The following TSC1 variants were observed in gnomAD, a reference collection of about 807,000 sequenced individuals.
TSC1 encodes the protein hamartin.
TSC1 carries 20 observed loss-of-function variants against 124.3 expected under a neutral mutation model. That is an observed-to-expected ratio of 0.16 (90% CI 0.11 to 0.23). The LOEUF (loss-of-function observed/expected upper bound fraction) is 0.23, where lower values mean the gene tolerates loss of function less well. Among genes scored for constraint, TSC1 ranks in the 10% least tolerant of loss-of-function variants. TSC1 has a pLI of 1.00. For synonymous variants in TSC1, 493 were observed against 539.1 expected, an observed-to-expected ratio of 0.91 and a Z score of 1.19; for missense variants, 1,124 against 1,448.5, an observed-to-expected ratio of 0.78 and a Z score of 3.64.
intron 8 of TSC1, among the ~76,000 whole-genome samples, chr9:132,916,997 G>A (rs1846298988): frequency 6.6e-6 from 1 of 152,206 alleles, no homozygotes; most frequent in East Asian, 1.9e-4. Context: ...TTGAGTCCAT[G>A]CATATCTGAA....
rs36000704 is a variant in TSC1, at chr9:132,900,331, G to GA, written c.2625+383dup. ...ATCTGCAGAAATCCAACATTAAAAG[G>GA]AAAAAAAAAAATGGTATGTACAGCA... On this transcript the variant is annotated intron_variant, in intron 20 of 22. Coordinates refer to ENST00000298552, the MANE Select transcript of TSC1 (RefSeq NM_000368.5). 42,475 of 235,002 alleles carry GA rather than the reference G, an allele frequency of 0.18. 3,537 individuals are homozygous for GA. The highest frequency in any genetic ancestry group is 0.34 in the African/African-American group (14,767 of 43,320). 14.6% of individuals were successfully genotyped at this position (235,002 alleles called of 1,614,324 possible).
At chr9:132,915,172 A>T (rs1209197655) in intron 8 of TSC1, among the ~76,000 whole-genome samples, 3 of 151,970 alleles carry the variant, frequency 2.0e-5, no homozygotes. Context: ...GCAACAGAGC[A>T]AGACCCTGTC....
In TSC1 at chr9:132,927,521, C is replaced by CTTTTT. The variant is rs57259325; in HGVS notation, c.107-222_107-218dup. Among the ~76,000 whole-genome samples, 234 of 103,894 alleles carry CTTTTT rather than the reference C, an allele frequency of 2.3e-3. 5 individuals are homozygous for CTTTTT. The highest frequency in any genetic ancestry group is 4.6e-3 in the African/African-American group (122 of 26,570). 68.2% of individuals were successfully genotyped at this position (103,894 alleles called of 152,430 possible). A position where few individuals can be genotyped will look rare whatever the true frequency, so the allele number is the denominator to read the frequency against. The stretch of plus-strand genomic sequence containing the variant: ...AAACATATGAAGTCATTTTTATTGC[C>CTTTTT]TTTTTTTTTTTTTTTTTTTTGAGAT... On this transcript the variant is annotated intron_variant, in intron 3 of 22. Transcript: ENST00000298552.
chr9:132,894,419 C>T lies in TSC1; in HGVS notation c.*1816G>A. The T allele has an allele frequency of 4.4e-6, 1 of 229,422 alleles. No individual in the cohort carries two copies. The highest frequency in any genetic ancestry group is 8.7e-6 in the Non-Finnish European group (1 of 115,374). 14.2% of individuals were successfully genotyped at this position (229,422 alleles called of 1,614,324 possible). On this transcript the variant is annotated 3_prime_UTR_variant, in exon 23 of 23. Coordinates refer to ENST00000298552, the MANE Select transcript of TSC1 (RefSeq NM_000368.5). ...CACGTTTTCCTTTTCTAAAACGGAA[C>T]CAGGAAACTAGACTGTATTGGGTTT...
Position 132,911,470 on chromosome 9 carries a change from T to C in TSC1, c.1012A>G (p.Ile338Val), listed in dbSNP as rs2131974315. 6.2e-7 allele frequency: 1 copy of C among 1,613,202 alleles called. No individual in the cohort carries two copies. Among genetic ancestry groups the C allele is most frequent in the South Asian group, 1.1e-5 (1 of 91,046 alleles). ...QTLSSPSTRL[I>V]TEPPQATLWS... ...CACCATACTTGTGGTGGTTCAGTTATCAGCCGTGTCGATGGGGAACTCAGA... is the reference window on the plus strand; with the variant it reads ...CACCATACTTGTGGTGGTTCAGTTACCAGCCGTGTCGATGGGGAACTCAGA... Residue 338 changes from isoleucine (I) to valine (V), a missense_variant, in exon 10 of 23, where the codon ATA becomes GTA. Around this residue, in one of 5 missense-constraint regions of TSC1, gnomAD observed 463 missense variants for 606.8 expected, o/e 0.76. Coordinates refer to ENST00000298552, the MANE Select transcript of TSC1 (RefSeq NM_000368.5).
At position 132,910,703 on chromosome 9, in the gene TSC1, A is replaced by T. The variant is rs1845908527; in HGVS notation, c.1142-11T>A. 1 of 1,613,336 alleles carries T rather than the reference A, an allele frequency of 6.2e-7. No individual in the cohort carries two copies. The highest frequency in any genetic ancestry group is 8.5e-7 in the Non-Finnish European group (1 of 1,180,038). On this transcript the variant is annotated splice_polypyrimidine_tract_variant and intron_variant, in intron 11 of 22. Transcript: ENST00000298552. The stretch of plus-strand genomic sequence containing the variant: ...TTCCTTTTCCACCTGCTTAGAGACA[A>T]GGGCAGAACATATATGAACACTGAG...
chr9:132,894,986 G>A lies in TSC1; in HGVS notation c.*1249C>T, dbSNP rs760805774. ...TTTTCTGACTAGTGTCATCTCTCGG[G>A]AGCACGTGGGGCAGCCTAGTGGGTA... On this transcript the variant is annotated 3_prime_UTR_variant, in exon 23 of 23. Transcript: ENST00000298552. 1 of 232,162 alleles carries A rather than the reference G, an allele frequency of 4.3e-6. No homozygotes were observed. Among genetic ancestry groups the A allele is most frequent in the Admixed American group, 5.6e-5 (1 of 17,742 alleles). The allele number at this position is 232,162 out of a possible 1,614,324, so 14.4% of individuals were successfully genotyped here.
In TSC1 at chr9:132,892,762, T is replaced by C. The variant is rs1408035827; in HGVS notation, c.*3473A>G. ...TTCACATTGGCTTGTCACAGCACAC[T>C]TCAGTTCTGCTGGCTACATGAAACG... On this transcript the variant is annotated 3_prime_UTR_variant, in exon 23 of 23. Transcript: ENST00000298552. 2 of 233,216 alleles carry C rather than the reference T, an allele frequency of 8.6e-6. No homozygotes were observed. The highest frequency in any genetic ancestry group is 1.7e-5 in the Non-Finnish European group (2 of 118,072). The allele number at this position is 233,216 out of a possible 1,614,324, so 14.4% of individuals were successfully genotyped here. A position where few individuals can be genotyped will look rare whatever the true frequency, so the allele number is the denominator to read the frequency against.
At position 132,896,132 on chromosome 9, in the gene TSC1, A is replaced by G; in HGVS notation, c.*103T>C. ...ACCTCCGTCCCATTTCCACACATGAACTTGCACTCAGACCCTGGAAACAGG... is the reference window on the plus strand; with the variant it reads ...ACCTCCGTCCCATTTCCACACATGAGCTTGCACTCAGACCCTGGAAACAGG... On this transcript the variant is annotated 3_prime_UTR_variant, in exon 23 of 23. Coordinates refer to ENST00000298552, the MANE Select transcript of TSC1 (RefSeq NM_000368.5). The surrounding 1 kb of genome is among the most constrained non-coding windows in gnomAD (Gnocchi z 4.5). The G allele has an allele frequency of 6.5e-7, 1 of 1,548,100 alleles. No homozygotes were observed. Among genetic ancestry groups the G allele is most frequent in the Non-Finnish European group, 8.9e-7 (1 of 1,127,638 alleles).
At chr9:132,934,969 C>A (rs1847380259) in intron 2 of TSC1, 64 bp downstream of exon 2, 7 of 398,844 alleles carry the variant, frequency 1.8e-5, no homozygotes, top group Non-Finnish European at 8.8e-6. Flanking sequence ...TCCCTGAATG[C>A]ACGACCATGG....
At chr9:132,933,652 A>G (rs967771997) in intron 2 of TSC1, among the ~76,000 whole-genome samples, 1 of 152,032 alleles carries the variant, frequency 6.6e-6, no homozygotes, top group African/African-American at 2.4e-5. Context: ...GATACTACAC[A>G]TGTGACATAG....
At chr9:132,908,624 T>A (rs1169761185) in intron 12 of TSC1, among the ~76,000 whole-genome samples, 3 of 151,956 alleles carry the variant, frequency 2.0e-5, no homozygotes, top group Non-Finnish European at 4.4e-5. Context: ...TTTTTTTTTT[T>A]TTTTAGTTGA....
intron 1 of TSC1, chr9:132,943,424 C>A (rs115620188): frequency 0.012 from 1,791 of 152,284 alleles, 37 homozygotes; most frequent in African/African-American, 0.041. Context: ...TAAACAGACA[C>A]ACGTGCATAA....
chr9:132,908,901 C>CTTTTTTTTTTTTTTTTTT lies in TSC1; in HGVS notation c.1264-1532_1264-1531insAAAAAAAAAAAAAAAAAA, dbSNP rs35234317. Among the ~76,000 whole-genome samples, 189 of 121,480 alleles carry CTTTTTTTTTTTTTTTTTT rather than the reference C, an allele frequency of 1.6e-3. 10 individuals are homozygous for CTTTTTTTTTTTTTTTTTT. Among genetic ancestry groups the CTTTTTTTTTTTTTTTTTT allele is most frequent in the African/African-American group, 5.5e-3 (165 of 30,116 alleles). The allele number at this position is 121,480 out of a possible 152,430, so 79.7% of individuals were successfully genotyped here. A position where few individuals can be genotyped will look rare whatever the true frequency, so the allele number is the denominator to read the frequency against. ...TTAAAACCCACTAGTCTACCTTGCA[C>CTTTTTTTTTTTTTTTTTT]TTTTTTTTTTTTTTTTTGTGACAGT... On this transcript the variant is annotated intron_variant, in intron 12 of 22. Coordinates refer to ENST00000298552, the MANE Select transcript of TSC1 (RefSeq NM_000368.5).
intron 18 of TSC1, 81 bp from the exon 19 acceptor site, chr9:132,901,780 A>T: frequency 8.7e-6 from 11 of 1,262,546 alleles, no homozygotes; most frequent in Non-Finnish European, 1.0e-5. Flanking sequence ...CAGCCCACAG[A>T]GGACTGGGAA....
intron 12 of TSC1, 27 bp from the exon 13 acceptor site, chr9:132,907,397 A>C: frequency 6.3e-7 from 1 of 1,583,528 alleles, no homozygotes; most frequent in South Asian, 1.1e-5. Context: ...CATTTATATC[A>C]CAAGACGAAA....
In TSC1 at chr9:132,897,613, G is replaced by GA. The variant is rs5901000; in HGVS notation, c.2626-4dup. On this transcript the variant is annotated splice_region_variant and splice_polypyrimidine_tract_variant and intron_variant, in intron 20 of 22. Transcript: ENST00000298552. ...GCGGCTTTCATCATTTCTACTTCCT[G>GA]AAAAAAAAAAAAAAAAAAGACTGGA... The GA allele has an allele frequency of 0.11, 141,102 of 1,309,580 alleles. 1,203 individuals are homozygous for GA. Among genetic ancestry groups the GA allele is most frequent in the South Asian group, 0.11 (7,483 of 66,122 alleles). 81.1% of individuals were successfully genotyped at this position (1,309,580 alleles called of 1,614,324 possible).
chr9:132,944,390 G>A (rs1222221254), intron 1 of TSC1, among the ~76,000 whole-genome samples, 153 bp downstream of exon 1: 3 of 152,128 alleles, frequency 2.0e-5, no homozygotes, highest in Non-Finnish European at 4.4e-5. Flanking sequence ...AAGAGGGAGG[G>A]GAGAGCTCTC....
intron 12 of TSC1, among the ~76,000 whole-genome samples, chr9:132,908,528 C>T (rs1184265120): frequency 6.6e-6 from 1 of 152,130 alleles, no homozygotes; most frequent in Non-Finnish European, 1.5e-5. Context: ...TCATGGCTCA[C>T]TGCAATCTCT....
Sources: allele counts gnomAD v4.1 joint callset (sites outside exome capture counted in the v4.1 genomes callset), GRCh38; gene constraint gnomAD v4.1.1; regional missense constraint gnomAD v4.1.1; non-coding constraint Gnocchi (gnomAD v3.1); transcripts MANE v1.5; gene names NCBI Gene and HGNC (gene_info 2026-07-23, HGNC 2026-07-21).